The following ANKS1A variants were observed in gnomAD, a reference collection of about 807,000 sequenced individuals.
The protein encoded by ANKS1A is ankyrin repeat and SAM domain-containing protein 1A.
Under a neutral mutation model 120.3 loss-of-function variants are expected in ANKS1A, and 55 were observed. That is an observed-to-expected ratio of 0.46 (90% CI 0.37 to 0.57). The LOEUF is 0.57. Ranked by LOEUF, ANKS1A falls within the 20% of genes least tolerant of loss-of-function variation. ANKS1A has a pLI of 0.00. For synonymous variants in ANKS1A, 590 were observed against 604.7 expected (o/e 0.98, Z 0.36); for missense variants, 1,123 against 1,480.3 (o/e 0.76, Z 3.96).
intron 13 of ANKS1A, chr6:35,070,952 C>G (rs2127598550): frequency 1.6e-6 from 1 of 610,760 alleles, no homozygotes; most frequent in Middle Eastern, 5.1e-4. Flanking sequence ...ACAACTGCAA[C>G]CAACCACTTT....
At chr6:35,067,294 CAT>C (rs1461911959) in intron 13 of ANKS1A, among the ~76,000 whole-genome samples, 3 of 152,168 alleles carry the variant, frequency 2.0e-5, no homozygotes, top group Admixed American at 2.0e-4. Context: ...TGGGAGGAAA[CAT>C]GTGCTCCCCC....
chr6:34,929,336 A>G (rs1768862645), intron 1 of ANKS1A, among the ~76,000 whole-genome samples: 1 of 152,192 alleles, frequency 6.6e-6, no homozygotes, highest in South Asian at 2.1e-4. Flanking sequence ...TGATAAGATT[A>G]TAATAGACGA....
intron 11 of ANKS1A, among the ~76,000 whole-genome samples, chr6:35,026,804 C>T (rs1434751850): frequency 6.6e-6 from 1 of 152,142 alleles, no homozygotes; most frequent in Non-Finnish European, 1.5e-5. Flanking sequence ...CTTCCTTTTT[C>T]TTTAGTCATG....
chr6:35,055,968 A>G (rs960439322), intron 12 of ANKS1A, among the ~76,000 whole-genome samples: 3 of 152,202 alleles, frequency 2.0e-5, no homozygotes, highest in African/African-American at 7.2e-5. Flanking sequence ...TTTGCGGGAA[A>G]TGGATGTTCA....
At chr6:34,987,309 T>A (rs961535042) in intron 8 of ANKS1A, among the ~76,000 whole-genome samples, 1 of 152,238 alleles carries the variant, frequency 6.6e-6, no homozygotes, top group African/African-American at 2.4e-5. Flanking sequence ...CTGGTGATTG[T>A]TTCTTACACA....
chr6:34,922,943 G>A lies in ANKS1A; in HGVS notation c.197+33344G>A, dbSNP rs562163932. Among the ~76,000 whole-genome samples the A allele has an allele frequency of 2.6e-5, 4 of 152,088 alleles. No homozygotes were observed. In the East Asian group the frequency reaches 5.8e-4, roughly 22 times the overall value. On this transcript the variant is annotated intron_variant, in intron 1 of 23. Coordinates refer to ENST00000360359, the MANE Select transcript of ANKS1A (RefSeq NM_015245.3). Reference sequence around the variant, plus strand: ...CCTGACATTGTGATCCGCCCCTCTCGGCCTCCCAAAGTGCTGGGATTACAG... The same window carrying A: ...CCTGACATTGTGATCCGCCCCTCTCAGCCTCCCAAAGTGCTGGGATTACAG...
chr6:35,071,235 CTCCCTAAAATGTATGAAA>C (rs142067315), intron 13 of ANKS1A, among the ~76,000 whole-genome samples: 5,173 of 152,246 alleles, frequency 0.034, 159 homozygotes, highest in African/African-American at 0.088. Context: ...TGTCTTGTGT[CTCCCTAAAATGTATGAAA>C]TCAAAGGGAA....
At position 35,017,647 on chromosome 6, in the gene ANKS1A, A is replaced by G; in HGVS notation, c.1598A>G (p.Gln533Arg). ...AGQSHPDGSP[Q>R]QGACHKASMQ... is the part of the protein sequence containing the mutation. ...CAGAGCCATCCAGACGGGTCCCCCC[A>G]GCAGGGCGCCTGCCACAAGGCCAGC... Residue 533 changes from glutamine to arginine, a missense_variant, in exon 11 of 24, where the codon CAG (glutamine) becomes CGG (arginine). By Grantham distance (43) the Gln-to-Arg change is conservative. Coordinates refer to ENST00000360359, the MANE Select transcript of ANKS1A (RefSeq NM_015245.3). The G allele has an allele frequency of 6.2e-7, 1 of 1,613,812 alleles. No individual in the cohort carries two copies. The highest frequency in any genetic ancestry group is 8.5e-7 in the Non-Finnish European group (1 of 1,179,892).
At chr6:34,942,943 C>T (rs1769605362) in intron 1 of ANKS1A, among the ~76,000 whole-genome samples, 1 of 147,970 alleles carries the variant, frequency 6.8e-6, no homozygotes, top group Non-Finnish European at 1.5e-5. Flanking sequence ...CCTCCTTTTC[C>T]TTTCCCCTTT....
At chr6:35,087,387 G>A (rs1405243263) in intron 23 of ANKS1A, among the ~76,000 whole-genome samples, 9 of 152,176 alleles carry the variant, frequency 5.9e-5, no homozygotes, top group Non-Finnish European at 1.2e-4. Context: ...GAACCCCGAC[G>A]GGCAGGGCAG....
At position 35,081,051 on chromosome 6, in the gene ANKS1A, G is replaced by A. The variant is rs148742939; in HGVS notation, c.2602G>A (p.Gly868Arg). ...ACTGAGTCAGAATGATTCCTGCACT[G>A]GGCGGTCGGCAGATCTGCTGCTGCC... Reference protein sequence around the residue: ...SPLSQNDSCTGRSADLLLPPG... With the variant: ...SPLSQNDSCTRRSADLLLPPG... Residue 868 changes from glycine to arginine, a missense_variant, in exon 17 of 24, where the codon GGG (glycine) becomes AGG (arginine). Physicochemically the swap from Gly to Arg is moderately radical, Grantham distance 125. Transcript: ENST00000360359. The A allele has an allele frequency of 6.2e-6, 10 of 1,613,944 alleles. No homozygotes were observed. The African/African-American group carries it at 1.1e-4, about 17-fold the overall frequency.
chr6:35,080,992 A>G lies in ANKS1A; in HGVS notation c.2545-2A>G, dbSNP rs1436480815. ...GTTCCACCTGGATTTTTCCCTCCAC[A>G]GTGCCAAGATTTGCTCTCCCAGACG... On this transcript the variant is annotated splice_acceptor_variant, in intron 16 of 23. Coordinates refer to ENST00000360359, the MANE Select transcript of ANKS1A (RefSeq NM_015245.3). LOFTEE classifies it high-confidence loss of function. The G allele has an allele frequency of 1.2e-6, 2 of 1,611,766 alleles. No homozygotes were observed. Among genetic ancestry groups the G allele is most frequent in the Non-Finnish European group, 1.7e-6 (2 of 1,178,354 alleles).
At chr6:35,066,411 G>A (rs1202487692) in intron 13 of ANKS1A, among the ~76,000 whole-genome samples, 2 of 152,146 alleles carry the variant, frequency 1.3e-5, no homozygotes, top group African/African-American at 2.4e-5. Context: ...TGATTTGGGG[G>A]TGACTGTGGC....
At chr6:34,967,737 C>T (rs1466167162) in intron 2 of ANKS1A, among the ~76,000 whole-genome samples, 1 of 151,968 alleles carries the variant, frequency 6.6e-6, no homozygotes, top group Non-Finnish European at 1.5e-5. Flanking sequence ...AGCGGTGGCA[C>T]TGAGAAACAG....
At chr6:35,080,045 C>A in intron 16 of ANKS1A, 117 bp downstream of exon 16, 1 of 1,192,598 alleles carries the variant, frequency 8.4e-7, no homozygotes, top group Non-Finnish European at 1.2e-6. Context: ...GCAGCTCCAA[C>A]AAGAAGAGAG....
At chr6:35,073,459 C>A (rs973911559) in intron 13 of ANKS1A, among the ~76,000 whole-genome samples, 4 of 152,206 alleles carry the variant, frequency 2.6e-5, no homozygotes, top group Non-Finnish European at 4.4e-5. Flanking sequence ...CGAGTCAGGA[C>A]AGGGGGAGGC....
intron 1 of ANKS1A, among the ~76,000 whole-genome samples, chr6:34,914,124 T>C (rs1472639134): frequency 7.4e-6 from 1 of 135,154 alleles, no homozygotes; most frequent in Non-Finnish European, 1.6e-5. Context: ...GGTTTCAACA[T>C]GTTAGCCAGG....
chr6:34,986,166 CAG>C (rs1772190328), intron 8 of ANKS1A, among the ~76,000 whole-genome samples: 1 of 152,164 alleles, frequency 6.6e-6, no homozygotes, highest in African/African-American at 2.4e-5. Flanking sequence ...AAGTGAAAAA[CAG>C]AATGGTTTTG....
intron 10 of ANKS1A, among the ~76,000 whole-genome samples, chr6:34,996,661 T>C (rs1772870794): frequency 6.6e-6 from 1 of 152,098 alleles, no homozygotes; most frequent in Non-Finnish European, 1.5e-5. Context: ...TTAGTAGAGC[T>C]AGGGTTTCAC....
Sources: allele counts gnomAD v4.1 joint callset (sites outside exome capture counted in the v4.1 genomes callset), GRCh38; gene constraint gnomAD v4.1.1; transcripts MANE v1.5; gene names NCBI Gene and HGNC (gene_info 2026-07-23, HGNC 2026-07-21).